SHISA5: variants seen among roughly 807,000 people sequenced by gnomAD.
SHISA5 encodes protein shisa-5.
A neutral mutation model predicts 27.5 loss-of-function variants in SHISA5; 21 were observed. The ratio of observed to expected loss-of-function variants is 0.76; its 90% CI spans 0.54 to 1.10. The LOEUF (loss-of-function observed/expected upper bound fraction) is 1.10, where lower values mean the gene tolerates loss of function less well. Ranked by LOEUF, SHISA5 falls within the 50% of genes least tolerant of loss-of-function variation. The probability of loss-of-function intolerance (pLI) is 0.00; values close to 1 mark genes in which losing one functional copy is unlikely to be tolerated. For synonymous variants in SHISA5, 137 were observed against 142.2 expected (o/e 0.96, Z 0.26); for missense variants, 314 against 336.3 (o/e 0.93, Z 0.52).
chr3:48,500,616 C>T (rs1029793567), intron 2 of SHISA5, among the ~76,000 whole-genome samples: 1 of 152,094 alleles, frequency 6.6e-6, no homozygotes. Flanking sequence ...GGGCCTGGAA[C>T]CTTGGTCCCA....
rs978593404 is a variant in SHISA5, at chr3:48,469,658, C to T, written c.430+70G>A. On this transcript the variant is annotated intron_variant, in intron 4 of 5. Coordinates refer to ENST00000296444, the MANE Select transcript of SHISA5 (RefSeq NM_016479.6). The surrounding 1 kb of genome is among the most constrained non-coding windows in gnomAD (Gnocchi z 4.6). Reference sequence around the variant, plus strand: ...TTGCCACCCATCCCTCCAGCTTAGCCAAAGCAGGGCCTGGTCAGCTTCCCT... The same window carrying T: ...TTGCCACCCATCCCTCCAGCTTAGCTAAAGCAGGGCCTGGTCAGCTTCCCT... 2.5e-6 allele frequency: 4 copies of T among 1,601,760 alleles called. No individual in the cohort carries two copies. In the African/African-American group the frequency reaches 5.4e-5, roughly 21 times the overall value.
chr3:48,492,246 G>T (rs368758853), intron 2 of SHISA5, among the ~76,000 whole-genome samples: 1 of 150,864 alleles, frequency 6.6e-6, no homozygotes, highest in Non-Finnish European at 1.5e-5. Flanking sequence ...CGAGGCGGGC[G>T]GATCACGAGG....
At chr3:48,477,089 A>G (rs2040851932) in intron 3 of SHISA5, 1 of 450,548 alleles carries the variant, frequency 2.2e-6, no homozygotes, top group Non-Finnish European at 4.4e-6. Flanking sequence ...TCCCAGCTCA[A>G]ATCTATAACA....
intron 2 of SHISA5, among the ~76,000 whole-genome samples, chr3:48,494,506 G>T (rs2041499669): frequency 2.0e-5 from 3 of 146,944 alleles, no homozygotes; most frequent in Non-Finnish European, 4.4e-5. Flanking sequence ...TGTTGGCCAG[G>T]ATGGTCTCGA....
At chr3:48,491,241 C>A (rs1338089994) in intron 2 of SHISA5, among the ~76,000 whole-genome samples, 1 of 151,978 alleles carries the variant, frequency 6.6e-6, no homozygotes, top group Admixed American at 6.6e-5. Context: ...GCCTCAGCCT[C>A]CCGAGTAGCT....
chr3:48,502,089 C>G (rs2041773637), intron 1 of SHISA5, among the ~76,000 whole-genome samples: 1 of 152,164 alleles, frequency 6.6e-6, no homozygotes, highest in Non-Finnish European at 1.5e-5. Flanking sequence ...TCTTGAACTC[C>G]TGACCTCAGG....
At chr3:48,496,590 T>C (rs2041559347) in intron 2 of SHISA5, among the ~76,000 whole-genome samples, 1 of 150,988 alleles carries the variant, frequency 6.6e-6, no homozygotes. Context: ...AAAATTTAGC[T>C]GGGCGAGGTG....
Position 48,469,889 on chromosome 3 carries a change from G to T in SHISA5, c.315-46C>A. 1.3e-6 allele frequency: 2 copies of T among 1,585,678 alleles called. No individual in the cohort carries two copies. The highest frequency in any genetic ancestry group is 2.3e-5 in the South Asian group (2 of 87,824). On this transcript the variant is annotated intron_variant, in intron 3 of 5. Coordinates refer to ENST00000296444, the MANE Select transcript of SHISA5 (RefSeq NM_016479.6). This position sits in a 1 kb window ranked among gnomAD's most constrained non-coding sequence, Gnocchi z 4.6. ...ACCCGGGGCACCTCGCCCCTCCCCA[G>T]ACCAGCATCCACACCTTCCCAAGGC... is the stretch of plus-strand genomic sequence containing the variant.
chr3:48,498,739 G>A (rs545258655), intron 2 of SHISA5, among the ~76,000 whole-genome samples: 46 of 146,738 alleles, frequency 3.1e-4, no homozygotes, highest in African/African-American at 1.1e-3. Flanking sequence ...AGTAACAGTC[G>A]AAGAAAAATA....
At chr3:48,477,984 G>A (rs775737533) in intron 3 of SHISA5, among the ~76,000 whole-genome samples, 4 of 152,236 alleles carry the variant, frequency 2.6e-5, no homozygotes, top group Admixed American at 1.3e-4. Context: ...AGAGCAGCCA[G>A]TGTGGTCTTC....
rs554841635 is a variant in SHISA5, at chr3:48,488,224, T to C, written c.234-8967A>G. On this transcript the variant is annotated intron_variant, in intron 2 of 5. Coordinates refer to ENST00000296444, the MANE Select transcript of SHISA5 (RefSeq NM_016479.6). ...GGATACTTAGTGTTGAAGGAGCAGC[T>C]TGGATCCTCTTGACTGCTTTTTTTT... 5.3e-5 allele frequency among the ~76,000 whole-genome samples: 8 copies of C among 150,564 alleles called. No individual in the cohort carries two copies. The South Asian group carries it at 1.7e-3, about 32-fold the overall frequency.
At chr3:48,492,212 T>A (rs2041452365) in intron 2 of SHISA5, among the ~76,000 whole-genome samples, 1 of 136,308 alleles carries the variant, frequency 7.3e-6, no homozygotes, top group Non-Finnish European at 1.5e-5. Context: ...GGCTCACGCC[T>A]GTAATCCCAG....
At chr3:48,490,378 C>T (rs187415391) in intron 2 of SHISA5, among the ~76,000 whole-genome samples, 75 of 152,336 alleles carry the variant, frequency 4.9e-4, no homozygotes, top group African/African-American at 1.8e-3. Flanking sequence ...TGGCCGGCCA[C>T]CTCAGTTTTG....
chr3:48,469,098 A>G lies in SHISA5; in HGVS notation c.*9T>C, dbSNP rs1277830700. 1 of 1,612,800 alleles carries G rather than the reference A, an allele frequency of 6.2e-7. No individual in the cohort carries two copies. The highest frequency in any genetic ancestry group is 8.5e-7 in the Non-Finnish European group (1 of 1,180,008). On this transcript the variant is annotated 3_prime_UTR_variant, in exon 6 of 6. Transcript: ENST00000296444. The surrounding 1 kb of genome is among the most constrained non-coding windows in gnomAD (Gnocchi z 4.6). ...TAACCAAGTGGCAGCCAGAGAGGCC[A>G]GGGAATGCTCAGAGGGCCGCCTTCG...
chr3:48,501,058 A>C, intron 2 of SHISA5, 79 bp downstream of exon 2: 24 of 1,445,330 alleles, frequency 1.7e-5, no homozygotes, highest in Non-Finnish European at 2.1e-5. Flanking sequence ...CCAGAGGGGC[A>C]GAGCTATCTC....
At chr3:48,478,500 G>C (rs2040894736) in intron 3 of SHISA5, among the ~76,000 whole-genome samples, 1 of 151,940 alleles carries the variant, frequency 6.6e-6, no homozygotes, top group Non-Finnish European at 1.5e-5. Context: ...ACCCAGGCAG[G>C]AAAGCCCGCC....
chr3:48,504,275 G>C (rs1300655860), upstream of SHISA5: 2 of 372,208 alleles, frequency 5.4e-6, no homozygotes, highest in Non-Finnish European at 9.5e-6. The surrounding 1 kb of genome is among the most constrained non-coding windows in gnomAD (Gnocchi z 4.0). Flanking sequence ...AGGGAGGAGG[G>C]AGGAAGGTGG....
In SHISA5 at chr3:48,468,787, C is replaced by T. The variant is rs781128577; in HGVS notation, c.*320G>A. ...AACTCCAGATGTGCCCTGGAGAGGC[C>T]CCCACCTCTCAGGGGCCACCTCACA... is the stretch of plus-strand genomic sequence containing the variant. On this transcript the variant is annotated 3_prime_UTR_variant, in exon 6 of 6. Coordinates refer to ENST00000296444, the MANE Select transcript of SHISA5 (RefSeq NM_016479.6). 1 of 1,422,508 alleles carries T rather than the reference C, an allele frequency of 7.0e-7. No individual in the cohort carries two copies. Among genetic ancestry groups the T allele is most frequent in the South Asian group, 1.2e-5 (1 of 82,882 alleles). The allele number at this position is 1,422,508 out of a possible 1,614,324, so 88.1% of individuals were successfully genotyped here.
At chr3:48,478,272 A>T (rs972639449) in intron 3 of SHISA5, among the ~76,000 whole-genome samples, 2 of 152,106 alleles carry the variant, frequency 1.3e-5, no homozygotes, top group Non-Finnish European at 2.9e-5. Context: ...TCCTCCACGC[A>T]CAGGAGCCCT....
Sources: allele counts gnomAD v4.1 joint callset (sites outside exome capture counted in the v4.1 genomes callset), GRCh38; gene constraint gnomAD v4.1.1; non-coding constraint Gnocchi (gnomAD v3.1); transcripts MANE v1.5; gene names NCBI Gene and HGNC (gene_info 2026-07-23, HGNC 2026-07-21).